The following FTO variants were observed in gnomAD, a reference collection of about 807,000 sequenced individuals.
FTO encodes FTO alpha-ketoglutarate dependent dioxygenase, also known as alpha-ketoglutarate-dependent dioxygenase FTO.
In FTO, 47 loss-of-function variants were observed where a neutral mutation model predicts 63.9. The ratio of observed to expected loss-of-function variants is 0.74; its 90% CI spans 0.58 to 0.94. FTO has a LOEUF of 0.94. Ranked by LOEUF, FTO falls within the 40% of genes least tolerant of loss-of-function variation. The probability of loss-of-function intolerance (pLI) is 0.00; values close to 1 mark genes in which losing one functional copy is unlikely to be tolerated. For synonymous variants in FTO, 207 were observed against 224.4 expected (o/e 0.92, Z 0.69); for missense variants, 562 against 618.1 (o/e 0.91, Z 0.96).
chr16:53,753,477 C>T (rs1018646147), intron 1 of FTO, among the ~76,000 whole-genome samples: 4 of 150,870 alleles, frequency 2.7e-5, no homozygotes, highest in African/African-American at 9.8e-5. Flanking sequence ...CATTGCTTGT[C>T]TTATAACACT....
At chr16:53,727,366 G>A (rs1030769786) in intron 1 of FTO, among the ~76,000 whole-genome samples, 45 of 152,202 alleles carry the variant, frequency 3.0e-4, no homozygotes, top group African/African-American at 9.7e-4. Context: ...GTGTTGCAAA[G>A]GGATGCAGAC....
chr16:53,806,537 CAG>C, intron 1 of FTO, among the ~76,000 whole-genome samples: 1 of 152,300 alleles, frequency 6.6e-6, no homozygotes, highest in African/African-American at 2.4e-5. Flanking sequence ...AGTTCATAAA[CAG>C]AGAGCGTCCT....
chr16:54,050,074 G>T (rs775096643), intron 8 of FTO, among the ~76,000 whole-genome samples: 1 of 152,060 alleles, frequency 6.6e-6, no homozygotes, highest in Non-Finnish European at 1.5e-5. Flanking sequence ...GGGCCTGTGG[G>T]GCAGACAGGA....
chr16:54,111,156 C>A lies in FTO; in HGVS notation c.1365-606C>A, dbSNP rs561362034. Among the ~76,000 whole-genome samples, 9 of 152,288 alleles carry A rather than the reference C, an allele frequency of 5.9e-5. No individual in the cohort carries two copies. The South Asian group carries it at 6.2e-4, about 11-fold the overall frequency. ...GCTGGCCTCTTAATTTAATTTTGTG[C>A]AAGTTTTTCCCACCTCTTCATCAGT... On this transcript the variant is annotated intron_variant, in intron 8 of 8. Transcript: ENST00000471389.
At chr16:53,821,623 A>G (rs1449474277) in intron 2 of FTO, among the ~76,000 whole-genome samples, 2 of 152,164 alleles carry the variant, frequency 1.3e-5, no homozygotes, top group African/African-American at 2.4e-5. Flanking sequence ...GTCACTTTCA[A>G]TTCATGGTCA....
intron 8 of FTO, among the ~76,000 whole-genome samples, chr16:53,940,776 A>G (rs531375671): frequency 6.6e-6 from 1 of 152,360 alleles, no homozygotes; most frequent in South Asian, 2.1e-4. Flanking sequence ...CTTAAGATCC[A>G]GATAACTTTA....
intron 3 of FTO, among the ~76,000 whole-genome samples, chr16:53,828,216 CT>C (rs2079058696): frequency 6.6e-6 from 1 of 151,824 alleles, no homozygotes; most frequent in Non-Finnish European, 1.5e-5. Flanking sequence ...CCTTTGTTCT[CT>C]TTTTTTTCTT....
intron 8 of FTO, among the ~76,000 whole-genome samples, chr16:53,999,289 G>T (rs1367331946): frequency 6.6e-6 from 1 of 152,204 alleles, no homozygotes; most frequent in African/African-American, 2.4e-5. Context: ...ATTTATATGT[G>T]CTGGTATCCA....
chr16:53,891,617 C>G (rs528403710), intron 7 of FTO, among the ~76,000 whole-genome samples: 2 of 152,134 alleles, frequency 1.3e-5, no homozygotes, highest in South Asian at 4.1e-4. Flanking sequence ...GCTGTGATCG[C>G]GTTACTGCAC....
At chr16:53,755,824 T>C (rs1427514176) in intron 1 of FTO, among the ~76,000 whole-genome samples, 3 of 152,160 alleles carry the variant, frequency 2.0e-5, no homozygotes, top group Non-Finnish European at 4.4e-5. Context: ...TCCCGCTGCC[T>C]GGAATGTACA....
At chr16:54,086,763 C>G (rs966955500) in intron 8 of FTO, among the ~76,000 whole-genome samples, 7 of 152,162 alleles carry the variant, frequency 4.6e-5, no homozygotes, top group African/African-American at 1.2e-4. Context: ...TTCTTTCTTA[C>G]AGTAATTTGG....
rs1296410442 is a variant in FTO at position 54,093,222 on chromosome 16, G to A, written c.1365-18540G>A. On this transcript the variant is annotated intron_variant, in intron 8 of 8. Coordinates refer to ENST00000471389, the MANE Select transcript of FTO (RefSeq NM_001080432.3). ...TGCCTTTGGGCACTAGGACCTTTGC[G>A]AGTCAGTCTCCTGCTAGAAAGAACA... is the stretch of plus-strand genomic sequence containing the variant. Among the ~76,000 whole-genome samples the A allele has an allele frequency of 4.6e-5, 7 of 152,272 alleles. 1 individual carries two copies. In the Middle Eastern group the frequency reaches 0.017, roughly 370 times the overall value.
chr16:53,703,970 C>T, upstream of FTO: 1 of 643,632 alleles, frequency 1.6e-6, no homozygotes, highest in South Asian at 1.8e-5. Flanking sequence ...GGACTACGCT[C>T]TTCCAGCTGT....
At chr16:53,815,638 T>TG (rs2078656926) in intron 2 of FTO, among the ~76,000 whole-genome samples, 2 of 25,784 alleles carry the variant, frequency 7.8e-5, no homozygotes, top group African/African-American at 2.6e-4. Flanking sequence ...ACTTTCTTGT[T>TG]TTTTTTTTTT....
At chr16:53,892,228 G>C (rs1187890701) in intron 7 of FTO, among the ~76,000 whole-genome samples, 1 of 151,858 alleles carries the variant, frequency 6.6e-6, no homozygotes, top group Non-Finnish European at 1.5e-5. Flanking sequence ...CTTGGTACCA[G>C]CCCACCTCAT....
chr16:54,018,409 G>GATAGATAGATAGATAGATAGATAC (rs1474063795), intron 8 of FTO, among the ~76,000 whole-genome samples: 155 of 142,198 alleles, frequency 1.1e-3, no homozygotes, highest in Non-Finnish European at 2.0e-3. Flanking sequence ...TAGATAGATA[G>GATAGATAGATAGATAGATAGATAC]ATACATACAT....
intron 8 of FTO, among the ~76,000 whole-genome samples, chr16:53,936,362 C>G (rs2082389934): frequency 6.6e-6 from 1 of 152,196 alleles, no homozygotes; most frequent in African/African-American, 2.4e-5. Context: ...TAACCATAAT[C>G]CTTCTCCCCA....
intron 8 of FTO, among the ~76,000 whole-genome samples, chr16:54,036,061 C>A (rs1178161225): frequency 6.6e-6 from 1 of 152,084 alleles, no homozygotes; most frequent in East Asian, 1.9e-4. Flanking sequence ...TGCCTCCTTC[C>A]CCTGAGGAGT....
intron 3 of FTO, among the ~76,000 whole-genome samples, chr16:53,839,775 T>TTTTATTTA (rs1205942882): frequency 0.025 from 913 of 36,912 alleles, 5 homozygotes; most frequent in South Asian, 0.032. Flanking sequence ...TTTTCTTTTT[T>TTTTATTTA]TTTATTTATT....
Sources: allele counts gnomAD v4.1 joint callset (sites outside exome capture counted in the v4.1 genomes callset), GRCh38; gene constraint gnomAD v4.1.1; transcripts MANE v1.5; gene names NCBI Gene and HGNC (gene_info 2026-07-23, HGNC 2026-07-21).